The following NSL1 variants were observed in gnomAD, a reference collection of about 807,000 sequenced individuals.
NSL1 encodes the protein kinetochore-associated protein NSL1 homolog.
In NSL1, 11 loss-of-function variants were observed where a neutral mutation model predicts 25.4. That is an observed-to-expected ratio of 0.43 (90% CI 0.27 to 0.72). The LOEUF is 0.72. NSL1 is among the 30% of genes least tolerant of loss of function. The pLI, the probability that NSL1 is intolerant of heterozygous loss-of-function variation, is 0.19. For synonymous variants in NSL1, 118 were observed against 120.6 expected (o/e 0.98, Z 0.14); for missense variants, 330 against 342.7 (o/e 0.96, Z 0.29).
At chr1:212,747,900 G>T (rs1658881423) in intron 4 of NSL1, among the ~76,000 whole-genome samples, 1 of 152,098 alleles carries the variant, frequency 6.6e-6, no homozygotes, top group Non-Finnish European at 1.5e-5. Flanking sequence ...GAGTAGCTGG[G>T]ACTACAGGCA....
intron 1 of NSL1, 80 bp downstream of exon 1, chr1:212,791,450 G>A: frequency 5.4e-6 from 7 of 1,304,528 alleles, no homozygotes; most frequent in East Asian, 2.3e-5. Context: ...AAGGCCTGGC[G>A]TGGGATCTTT....
At chr1:212,761,459 G>A (rs1211452192) in intron 4 of NSL1, among the ~76,000 whole-genome samples, 1 of 152,076 alleles carries the variant, frequency 6.6e-6, no homozygotes, top group African/African-American at 2.4e-5. Flanking sequence ...TAGCAACACG[G>A]CAAAACCTTG....
chr1:212,736,896 A>G lies in NSL1; in HGVS notation c.*1512T>C, dbSNP rs1658251712. The G allele has an allele frequency of 1.0e-6, 1 of 984,730 alleles. No homozygotes were observed. The highest frequency in any genetic ancestry group is 1.7e-5 in the African/African-American group (1 of 57,238). The allele number at this position is 984,730 out of a possible 1,614,324, so 61.0% of individuals were successfully genotyped here. On this transcript the variant is annotated 3_prime_UTR_variant, in exon 6 of 6. Transcript: ENST00000366977. ...CTTAAAAGGGAGGGACCATGTTCTT[A>G]TATAATCAAAATGCAAGTAGCTTAT...
intron 4 of NSL1, among the ~76,000 whole-genome samples, chr1:212,763,821 CACA>C (rs1332224998): frequency 3.3e-5 from 5 of 152,144 alleles, no homozygotes; most frequent in African/African-American, 9.7e-5. Context: ...CTGGCAACAA[CACA>C]ATAATAGTGT....
intron 4 of NSL1, among the ~76,000 whole-genome samples, chr1:212,750,479 G>A (rs975537982): frequency 6.6e-6 from 1 of 152,128 alleles, no homozygotes; most frequent in Non-Finnish European, 1.5e-5. Flanking sequence ...TTTGCACCAG[G>A]CCTAGACAGC....
Position 212,733,988 on chromosome 1 carries a change from CTGTTT to C in NSL1, c.*4415_*4419del, listed in dbSNP as rs1007560277. Among the ~76,000 whole-genome samples, 15 of 152,114 alleles carry C rather than the reference CTGTTT, an allele frequency of 9.9e-5. No homozygotes were observed. Among genetic ancestry groups the C allele is most frequent in the South Asian group, 4.1e-4 (2 of 4,822 alleles). On this transcript the variant is annotated 3_prime_UTR_variant, in exon 6 of 6. Coordinates refer to ENST00000366977, the MANE Select transcript of NSL1 (RefSeq NM_015471.4). The stretch of plus-strand genomic sequence containing the variant: ...TCTAATTTGCCATTTCTTAATCTTT[CTGTTT>C]TATTTTTGGGAAAATTTCATTTTAT...
chr1:212,780,642 C>G (rs1308836536), intron 4 of NSL1, among the ~76,000 whole-genome samples: 1 of 151,976 alleles, frequency 6.6e-6, no homozygotes, highest in African/African-American at 2.4e-5. Context: ...CTTTTAAGGC[C>G]CATAGAAATT....
At position 212,779,887 on chromosome 1, in the gene NSL1, T is replaced by C. The variant is rs1411419802; in HGVS notation, c.499+2485A>G. On this transcript the variant is annotated intron_variant, in intron 4 of 5. Transcript: ENST00000366977. The stretch of plus-strand genomic sequence containing the variant: ...CCCGTCCGGGAGGGAGGTGGGGGGG[T>C]CAGCCCCCCGCCCGAACAGCCACCC... Among the ~76,000 whole-genome samples, 37 of 120,328 alleles carry C rather than the reference T, an allele frequency of 3.1e-4. 1 individual carries two copies. The highest frequency in any genetic ancestry group is 4.7e-3 in the Middle Eastern group (1 of 212). 78.9% of individuals were successfully genotyped at this position (120,328 alleles called of 152,430 possible).
At chr1:212,790,806 C>G (rs1226075048) in intron 1 of NSL1, among the ~76,000 whole-genome samples, 1 of 152,024 alleles carries the variant, frequency 6.6e-6, no homozygotes, top group East Asian at 1.9e-4. Context: ...GCCTGGAGTC[C>G]CAGCTACTCA....
chr1:212,727,404 T>C lies in NSL1; in HGVS notation c.*11004A>G, dbSNP rs1558031142. The C allele has an allele frequency of 1.0e-6, 1 of 985,286 alleles. No homozygotes were observed. The highest frequency in any genetic ancestry group is 1.2e-6 in the Non-Finnish European group (1 of 829,940). 61.0% of individuals were successfully genotyped at this position (985,286 alleles called of 1,614,324 possible). ...GAAATAAGTATCAGTCAAGTTAATG[T>C]TTCCAAAATATACTCCTTGTAACAG... On this transcript the variant is annotated 3_prime_UTR_variant, in exon 6 of 6. Coordinates refer to ENST00000366977, the MANE Select transcript of NSL1 (RefSeq NM_015471.4).
At chr1:212,779,120 G>A (rs1283953840) in intron 4 of NSL1, among the ~76,000 whole-genome samples, 29 of 147,756 alleles carry the variant, frequency 2.0e-4, no homozygotes, top group East Asian at 4.1e-4. Flanking sequence ...GAGACCCTCC[G>A]CCTGGCAACC....
Position 212,733,154 on chromosome 1 carries a change from C to T in NSL1, c.*5254G>A, listed in dbSNP as rs1379002885. Reference sequence around the variant, plus strand: ...GTTTTCATCACCCTCAAAAGACATCCCAGGCCAGGCGCAGTGGCTCACGCC... The same window carrying T: ...GTTTTCATCACCCTCAAAAGACATCTCAGGCCAGGCGCAGTGGCTCACGCC... On this transcript the variant is annotated 3_prime_UTR_variant, in exon 6 of 6. Coordinates refer to ENST00000366977, the MANE Select transcript of NSL1 (RefSeq NM_015471.4). Among the ~76,000 whole-genome samples the T allele has an allele frequency of 6.6e-6, 1 of 152,062 alleles. No homozygotes were observed. Among genetic ancestry groups the T allele is most frequent in the Non-Finnish European group, 1.5e-5 (1 of 68,016 alleles).
intron 4 of NSL1, among the ~76,000 whole-genome samples, chr1:212,772,216 A>G (rs768983970): frequency 6.6e-6 from 1 of 152,200 alleles, no homozygotes. Context: ...CAGCATGAAA[A>G]CAGACTAGTA....
intron 4 of NSL1, among the ~76,000 whole-genome samples, chr1:212,752,508 T>C (rs1054277024): frequency 2.0e-5 from 3 of 152,104 alleles, no homozygotes; most frequent in African/African-American, 4.8e-5. Context: ...CATCGCTACA[T>C]GTTTAGCGAA....
chr1:212,749,241 G>A (rs771991905), intron 4 of NSL1, among the ~76,000 whole-genome samples: 1 of 151,548 alleles, frequency 6.6e-6, no homozygotes, highest in African/African-American at 2.4e-5. Flanking sequence ...TATGAATAGG[G>A]TAAGGTAAAA....
At position 212,771,039 on chromosome 1, in the gene NSL1, C is replaced by T. The variant is rs12144964; in HGVS notation, c.499+11333G>A. Among the ~76,000 whole-genome samples, 373 of 152,306 alleles carry T rather than the reference C, an allele frequency of 2.4e-3. 2 individuals carry two copies. Among genetic ancestry groups the T allele is most frequent in the Non-Finnish European group, 3.1e-3 (209 of 68,016 alleles). ...TAAAAAAAACTCTCAACAGGCCAGG[C>T]GCAGCAGCTCACGCCTATAATCCCA... is the stretch of plus-strand genomic sequence containing the variant. On this transcript the variant is annotated intron_variant, in intron 4 of 5. Transcript: ENST00000366977.
In NSL1 at chr1:212,760,879, G is replaced by C. The variant is rs769142237; in HGVS notation, c.500-21278C>G. Among the ~76,000 whole-genome samples the C allele has an allele frequency of 2.6e-4, 40 of 152,136 alleles. No individual in the cohort carries two copies. Among genetic ancestry groups the C allele is most frequent in the Non-Finnish European group, 2.8e-4 (19 of 68,032 alleles). On this transcript the variant is annotated intron_variant, in intron 4 of 5. Coordinates refer to ENST00000366977, the MANE Select transcript of NSL1 (RefSeq NM_015471.4). This position sits in a 1 kb window ranked among gnomAD's most constrained non-coding sequence, Gnocchi z 4.3. ...ATTTGGCATGCCATCACCACCAGTG[G>C]GGCCCAAGAACAGGCCTGCCTGGAG...
chr1:212,768,319 CAAAAAAAAAAAA>C (rs34528216), intron 4 of NSL1, among the ~76,000 whole-genome samples: 11 of 68,908 alleles, frequency 1.6e-4, no homozygotes, highest in African/African-American at 8.1e-4. Flanking sequence ...GACTCCGTCT[CAAAAAAAAAAAA>C]AAAAAAAAAA....
At chr1:212,778,304 A>G (rs985170808) in intron 4 of NSL1, among the ~76,000 whole-genome samples, 9 of 152,176 alleles carry the variant, frequency 5.9e-5, no homozygotes, top group East Asian at 3.8e-4. Context: ...TGTATCCCCC[A>G]AAGTTCATAA....
Sources: allele counts gnomAD v4.1 joint callset (sites outside exome capture counted in the v4.1 genomes callset), GRCh38; gene constraint gnomAD v4.1.1; non-coding constraint Gnocchi (gnomAD v3.1); transcripts MANE v1.5; gene names NCBI Gene and HGNC (gene_info 2026-07-23, HGNC 2026-07-21).